GABRG3: variants seen among roughly 807,000 people sequenced by gnomAD.
GABRG3 encodes gamma-aminobutyric acid receptor subunit gamma-3.
In GABRG3, 25 loss-of-function variants were observed where a neutral mutation model predicts 48.8. That is an observed-to-expected ratio of 0.51 (90% CI 0.37 to 0.72). The LOEUF (loss-of-function observed/expected upper bound fraction) is 0.72. Ranked by LOEUF, GABRG3 falls within the 30% of genes least tolerant of loss-of-function variation. The pLI is 0.00. For missense variants in GABRG3, 394 were observed against 577.9 expected (o/e 0.68, Z 3.26); for synonymous variants, 227 against 217.6 (o/e 1.04, Z -0.38).
chr15:27,026,167 A>T (rs538237944), intron 2 of GABRG3, among the ~76,000 whole-genome samples: 3 of 152,192 alleles, frequency 2.0e-5, no homozygotes, highest in Middle Eastern at 3.2e-3. Flanking sequence ...TTTGAGTTGG[A>T]TTTAAACTCT....
chr15:27,049,036 C>T (rs1442254932), intron 3 of GABRG3, among the ~76,000 whole-genome samples: 2 of 152,230 alleles, frequency 1.3e-5, no homozygotes, highest in Non-Finnish European at 2.9e-5. Flanking sequence ...TACTCGGACA[C>T]TAGAGAAAGA....
chr15:27,314,040 TAAAC>T (rs1035492382), intron 3 of GABRG3, among the ~76,000 whole-genome samples: 42 of 151,468 alleles, frequency 2.8e-4, no homozygotes, highest in African/African-American at 9.7e-4. Context: ...TTTCAAAAGA[TAAAC>T]AAAATTGACA....
rs183989646 is a variant in GABRG3 at position 27,031,868 on chromosome 15, T to C, written c.270+5047T>C. 6.1e-3 allele frequency among the ~76,000 whole-genome samples: 935 copies of C among 152,346 alleles called. 10 individuals carry two copies. Among genetic ancestry groups the C allele is most frequent in the African/African-American group, 0.021 (890 of 41,574 alleles). ...AGGAAAGTTTAAAATAAGTGACAGC[T>C]GAAGCACCGTGGTGCTCCTGACCTT... On this transcript the variant is annotated intron_variant, in intron 3 of 9. Coordinates refer to ENST00000615808, the MANE Select transcript of GABRG3 (RefSeq NM_033223.5).
intron 3 of GABRG3, among the ~76,000 whole-genome samples, chr15:27,313,289 T>C (rs1893087379): frequency 9.1e-6 from 1 of 110,262 alleles, no homozygotes; most frequent in South Asian, 3.2e-4. Flanking sequence ...TATATATATA[T>C]ATATATATAT....
chr15:27,069,070 C>T (rs988210715), intron 3 of GABRG3, among the ~76,000 whole-genome samples: 2 of 152,168 alleles, frequency 1.3e-5, no homozygotes, highest in Admixed American at 6.5e-5. Context: ...GGCATGTTTA[C>T]GCTGGGTCAA....
In GABRG3 at chr15:27,439,146, C is replaced by G. The variant is rs569823973; in HGVS notation, c.575-41504C>G. The stretch of plus-strand genomic sequence containing the variant: ...AGGTCAGAACCAGCAGCCTCCATTT[C>G]CTGTGGTTGATCTTGATGCTAACAG... On this transcript the variant is annotated intron_variant, in intron 5 of 9. Coordinates refer to ENST00000615808, the MANE Select transcript of GABRG3 (RefSeq NM_033223.5). 2.0e-5 allele frequency among the ~76,000 whole-genome samples: 3 copies of G among 152,292 alleles called. No individual in the cohort carries two copies. In the South Asian group the frequency reaches 6.2e-4, roughly 32 times the overall value.
intron 3 of GABRG3, among the ~76,000 whole-genome samples, chr15:27,065,191 C>T (rs868151746): frequency 1.3e-4 from 20 of 152,234 alleles, no homozygotes; most frequent in African/African-American, 3.1e-4. Flanking sequence ...CTCACCATAA[C>T]GAGTGGATGA....
intron 3 of GABRG3, among the ~76,000 whole-genome samples, chr15:27,136,201 T>C (rs1898005530): frequency 6.6e-6 from 1 of 152,202 alleles, no homozygotes; most frequent in African/African-American, 2.4e-5. Context: ...AACATTTTAT[T>C]CTTTTTAAGG....
chr15:27,004,537 A>G (rs1178352035), intron 2 of GABRG3, among the ~76,000 whole-genome samples: 2 of 151,658 alleles, frequency 1.3e-5, no homozygotes, highest in Non-Finnish European at 2.9e-5. Context: ...CTCACTTCCC[A>G]GACGGGGTGG....
intron 3 of GABRG3, among the ~76,000 whole-genome samples, chr15:27,103,125 T>C (rs1477316663): frequency 1.3e-5 from 2 of 152,190 alleles, no homozygotes; most frequent in Non-Finnish European, 2.9e-5. Flanking sequence ...TGTTGTGATC[T>C]GTATGAAATT....
chr15:27,103,762 G>A (rs751392453), intron 3 of GABRG3, among the ~76,000 whole-genome samples: 55 of 152,022 alleles, frequency 3.6e-4, no homozygotes, highest in Non-Finnish European at 6.9e-4. Context: ...CAAGGTGACC[G>A]CTCAAGGTGA....
intron 3 of GABRG3, among the ~76,000 whole-genome samples, chr15:27,104,563 A>C (rs577164044): frequency 1.3e-5 from 2 of 152,324 alleles, no homozygotes; most frequent in Middle Eastern, 3.4e-3. Context: ...CGTGCTGTGC[A>C]TTTGTTCCAC....
intron 3 of GABRG3, among the ~76,000 whole-genome samples, chr15:27,267,815 T>G (rs79381307): frequency 0.014 from 2,196 of 152,352 alleles, 54 homozygotes; most frequent in African/African-American, 0.05. Context: ...TTTATTAATA[T>G]GATTACTTAA....
intron 3 of GABRG3, among the ~76,000 whole-genome samples, chr15:27,286,726 A>G (rs752301634): frequency 1.3e-4 from 20 of 152,190 alleles, no homozygotes; most frequent in Non-Finnish European, 2.2e-4. Flanking sequence ...TAAATATAAA[A>G]TCTCACATCA....
chr15:27,039,420 G>A (rs937711252), intron 3 of GABRG3, among the ~76,000 whole-genome samples: 7 of 152,154 alleles, frequency 4.6e-5, no homozygotes, highest in African/African-American at 1.2e-4. Context: ...GAGTGCAGCC[G>A]GCCTGGTGGC....
chr15:27,317,408 C>A (rs1420656942), intron 3 of GABRG3, among the ~76,000 whole-genome samples: 1 of 152,182 alleles, frequency 6.6e-6, no homozygotes, highest in African/African-American at 2.4e-5. Flanking sequence ...AGTATGCAAG[C>A]CTAGGAACCC....
At chr15:27,411,317 G>A (rs951176906) in intron 5 of GABRG3, among the ~76,000 whole-genome samples, 4 of 152,134 alleles carry the variant, frequency 2.6e-5, no homozygotes, top group African/African-American at 9.7e-5. Flanking sequence ...GAAGAGGCCA[G>A]ACAATCCTCC....
intron 5 of GABRG3, among the ~76,000 whole-genome samples, chr15:27,415,113 A>T (rs1460821938): frequency 6.6e-6 from 1 of 152,228 alleles, no homozygotes; most frequent in African/African-American, 2.4e-5. Context: ...TTAATTTTAA[A>T]TAAGTATTAA....
rs142457604 is a variant in GABRG3, at chr15:27,268,771, G to A, written c.271-58038G>A. ...TGTGCAGTTTGCCTTCTAACACTCTGTCTTGCAAACTCTACCCAACTTGGC... is the reference window on the plus strand; with the variant it reads ...TGTGCAGTTTGCCTTCTAACACTCTATCTTGCAAACTCTACCCAACTTGGC... On this transcript the variant is annotated intron_variant, in intron 3 of 9. Transcript: ENST00000615808. 9.2e-5 allele frequency among the ~76,000 whole-genome samples: 14 copies of A among 151,984 alleles called. 1 individual carries two copies. In the East Asian group the frequency reaches 2.7e-3, roughly 29 times the overall value.
Sources: allele counts gnomAD v4.1 joint callset (sites outside exome capture counted in the v4.1 genomes callset), GRCh38; gene constraint gnomAD v4.1.1; transcripts MANE v1.5; gene names NCBI Gene and HGNC (gene_info 2026-07-23, HGNC 2026-07-21).